MEGF10: variants seen among roughly 807,000 people sequenced by gnomAD.
The protein encoded by MEGF10 is multiple EGF like domains 10.
A neutral mutation model predicts 147.5 loss-of-function variants in MEGF10; 86 were observed. The observed-to-expected ratio is 0.58, with a 90% CI of 0.49 to 0.70. MEGF10 has a LOEUF of 0.70. Ranked by LOEUF, MEGF10 falls within the 30% of genes least tolerant of loss-of-function variation. The pLI is 0.00. For synonymous variants in MEGF10, 478 were observed against 525.5 expected (o/e 0.91, Z 1.24); for missense variants, 1,329 against 1,487.3 (o/e 0.89, Z 1.75).
At chr5:127,369,002 T>G (rs1439434014) in intron 4 of MEGF10, among the ~76,000 whole-genome samples, 1 of 152,210 alleles carries the variant, frequency 6.6e-6, no homozygotes, top group Non-Finnish European at 1.5e-5. Flanking sequence ...GTGTTTTATA[T>G]ATTTGAGCAG....
At chr5:127,301,876 C>T (rs372071038) in intron 1 of MEGF10, among the ~76,000 whole-genome samples, 11 of 152,150 alleles carry the variant, frequency 7.2e-5, no homozygotes, top group South Asian at 6.2e-4. Context: ...ATGAAAGAAT[C>T]GTTCAAATGC....
intron 1 of MEGF10, among the ~76,000 whole-genome samples, chr5:127,306,623 A>G (rs1760025083): frequency 6.6e-6 from 1 of 152,232 alleles, no homozygotes; most frequent in Non-Finnish European, 1.5e-5. Flanking sequence ...TGCAGTGGCC[A>G]TCCCATCCAT....
At chr5:127,389,034 A>G (rs991023592) in intron 5 of MEGF10, among the ~76,000 whole-genome samples, 1 of 152,208 alleles carries the variant, frequency 6.6e-6, no homozygotes, top group Non-Finnish European at 1.5e-5. Flanking sequence ...GTGGAATATT[A>G]TACTTAACCG....
At chr5:127,449,316 A>G in intron 22 of MEGF10, 94 bp downstream of exon 22, 1 of 1,544,370 alleles carries the variant, frequency 6.5e-7, no homozygotes. Flanking sequence ...TGTTCTATTG[A>G]AAACTTGCAT....
At chr5:127,252,837 T>C in the MEGF10 span, among the ~76,000 whole-genome samples, 1 of 152,072 alleles carries the variant, frequency 6.6e-6, no homozygotes, top group African/African-American at 2.4e-5. Flanking sequence ...GGCAGGTTGT[T>C]TTCTTGACAA....
chr5:127,387,484 T>C (rs1763475546), intron 5 of MEGF10, among the ~76,000 whole-genome samples: 1 of 152,234 alleles, frequency 6.6e-6, no homozygotes, highest in Non-Finnish European at 1.5e-5. Context: ...GATAAACAGT[T>C]GTGAGACATT....
intron 5 of MEGF10, among the ~76,000 whole-genome samples, chr5:127,382,204 T>C (rs775624388): frequency 6.6e-6 from 1 of 152,214 alleles, no homozygotes; most frequent in Non-Finnish European, 1.5e-5. Context: ...TGGAGAAAAT[T>C]AAGTGTTCTT....
chr5:127,247,338 G>GA, the MEGF10 span, among the ~76,000 whole-genome samples: 1 of 2,566 alleles, frequency 3.9e-4, no homozygotes, highest in African/African-American at 1.1e-3. Context: ...AGAAGAAGAA[G>GA]AAGAAGAAGA....
intron 9 of MEGF10, among the ~76,000 whole-genome samples, chr5:127,414,283 C>T (rs1211748679): frequency 3.9e-5 from 6 of 152,066 alleles, no homozygotes; most frequent in Admixed American, 3.9e-4. Flanking sequence ...AAGTTTGATT[C>T]TGCCTCACTA....
At chr5:127,237,901 C>G in the MEGF10 span, among the ~76,000 whole-genome samples, 1 of 152,002 alleles carries the variant, frequency 6.6e-6, no homozygotes, top group Non-Finnish European at 1.5e-5. Context: ...AATGTTAATG[C>G]TAGTCATCTA....
intron 5 of MEGF10, among the ~76,000 whole-genome samples, chr5:127,391,137 CACACACACACACACACAT>C (rs2126908388): frequency 1.6e-5 from 2 of 125,952 alleles, no homozygotes; most frequent in East Asian, 2.3e-4. Flanking sequence ...CACACACACA[CACACACACACACACACAT>C]ACATGCTTAT....
chr5:127,278,311 C>G, the MEGF10 span, among the ~76,000 whole-genome samples: 2 of 150,676 alleles, frequency 1.3e-5, no homozygotes, highest in African/African-American at 4.9e-5. Context: ...CAAATTGGAT[C>G]TCATTTGATT....
intron 4 of MEGF10, among the ~76,000 whole-genome samples, chr5:127,352,004 T>C (rs2126821990): frequency 6.6e-6 from 1 of 152,324 alleles, no homozygotes; most frequent in African/African-American, 2.4e-5. Context: ...GCAGTGATCA[T>C]GTTCCTTTTA....
At chr5:127,342,540 G>T (rs1045558973) in intron 4 of MEGF10, among the ~76,000 whole-genome samples, 3 of 152,100 alleles carry the variant, frequency 2.0e-5, no homozygotes, top group Non-Finnish European at 4.4e-5. Flanking sequence ...AAGCTGGTGG[G>T]GGGGTGTAGA....
chr5:127,268,114 G>A, the MEGF10 span, among the ~76,000 whole-genome samples: 4 of 152,122 alleles, frequency 2.6e-5, no homozygotes, highest in East Asian at 1.9e-4. Context: ...ATTCTGGTAT[G>A]TTGTGTCTTT....
chr5:127,435,574 T>C (rs1765527909), intron 16 of MEGF10, 85 bp downstream of exon 16: 15 of 1,311,312 alleles, frequency 1.1e-5, no homozygotes, highest in Non-Finnish European at 1.4e-5. Flanking sequence ...AGTGTTTTTA[T>C]ATAATCAAGA....
chr5:127,379,894 C>T (rs922931985), intron 5 of MEGF10, among the ~76,000 whole-genome samples: 3 of 152,130 alleles, frequency 2.0e-5, no homozygotes, highest in Non-Finnish European at 4.4e-5. Context: ...TGAGGCACCA[C>T]GCCTGGCCAC....
intron 4 of MEGF10, among the ~76,000 whole-genome samples, chr5:127,357,031 A>G (rs1273310733): frequency 6.6e-6 from 1 of 152,228 alleles, no homozygotes. Flanking sequence ...TGTTTTCTGT[A>G]AACATACACT....
At chr5:127,397,602 T>C (rs1763966069) in intron 6 of MEGF10, among the ~76,000 whole-genome samples, 1 of 152,204 alleles carries the variant, frequency 6.6e-6, no homozygotes, top group South Asian at 2.1e-4. Flanking sequence ...AAACACTTCC[T>C]GCCAACAGTG....
Sources: allele counts gnomAD v4.1 joint callset (sites outside exome capture counted in the v4.1 genomes callset), GRCh38; gene constraint gnomAD v4.1.1; transcripts MANE v1.5; gene names NCBI Gene and HGNC (gene_info 2026-07-23, HGNC 2026-07-21).